KDR: variants seen among roughly 807,000 people sequenced by gnomAD.
KDR encodes the protein kinase insert domain receptor, also known as vascular endothelial growth factor receptor 2.
A neutral mutation model predicts 160.9 loss-of-function variants in KDR; 43 were observed. The ratio of observed to expected loss-of-function variants is 0.27; its 90% CI spans 0.21 to 0.34. KDR has a LOEUF of 0.34. KDR is among the 10% of genes least tolerant of loss of function. The pLI is 1.00. For synonymous variants in KDR, 617 were observed against 600.1 expected, an observed-to-expected ratio of 1.03 and a Z score of -0.41; for missense variants, 1,469 against 1,666.4, an observed-to-expected ratio of 0.88 and a Z score of 2.06.
At position 55,104,909 on chromosome 4, in the gene KDR, T is replaced by C; in HGVS notation, c.1721A>G (p.Asp574Gly). 1 of 1,613,982 alleles carries C rather than the reference T, an allele frequency of 6.2e-7. No homozygotes were observed. The highest frequency in any genetic ancestry group is 1.6e-4 in the Middle Eastern group (1 of 6,062). ...QESVSLWCTA[D>G]RSTFENLTWY... ...TGTGAGGTTCTCAAACGTAGATCTG[T>C]CTGCAGTGCACCACAAAGACACGCT... Residue 574 changes from aspartate to glycine, a missense_variant, in exon 13 of 30, where the codon GAC becomes GGC. Coordinates refer to ENST00000263923, the MANE Select transcript of KDR (RefSeq NM_002253.4).
intron 18 of KDR, chr4:55,096,567 A>G (rs1720162153): frequency 1.8e-6 from 1 of 567,012 alleles, no homozygotes; most frequent in South Asian, 2.1e-5. Flanking sequence ...TGATATTTAA[A>G]GGAACCCATT....
At chr4:55,096,761 C>A in intron 18 of KDR, 2 of 273,956 alleles carry the variant, frequency 7.3e-6, no homozygotes, top group South Asian at 4.2e-5. Flanking sequence ...GGGGCTATAC[C>A]GAATGTTCCA....
At chr4:55,098,661 C>A (rs762049331) in intron 16 of KDR, 36 bp downstream of exon 16, 5 of 1,483,078 alleles carry the variant, frequency 3.4e-6, no homozygotes, top group Non-Finnish European at 4.7e-6. Context: ...TCATGAAAAC[C>A]AATGTGCATG....
In KDR at chr4:55,080,125, G is replaced by A; in HGVS notation, c.3887C>T (p.Ser1296Phe). 6.2e-7 allele frequency: 1 copy of A among 1,613,858 alleles called. No homozygotes were observed. The highest frequency in any genetic ancestry group is 8.5e-7 in the Non-Finnish European group (1 of 1,180,046). ...GCCGCTTGTCTGGTTTGAGCCTTCA[G>A]ATGCCACAGACTCCCTGCTTTTGCT... ...VPSKSRESVA[S>F]EGSNQTSGYQ... Residue 1296 changes from serine (S) to phenylalanine (F), a missense_variant, in exon 30 of 30, where the codon TCT becomes TTT. Ser to Phe is a radical substitution (Grantham distance 155, BLOSUM62 -2). Around this residue, in one of 7 missense-constraint regions of KDR, gnomAD observed 229 missense variants for 197.8 expected, o/e 1.16. Transcript: ENST00000263923.
intron 15 of KDR, among the ~76,000 whole-genome samples, chr4:55,101,647 C>T (rs1578133411): frequency 6.6e-6 from 1 of 152,162 alleles, no homozygotes; most frequent in Admixed American, 6.5e-5. Context: ...TGATGCTCTC[C>T]TTCTCCCCAA....
intron 9 of KDR, among the ~76,000 whole-genome samples, chr4:55,109,852 T>C (rs1720532834): frequency 6.6e-6 from 1 of 152,118 alleles, no homozygotes; most frequent in Non-Finnish European, 1.5e-5. Flanking sequence ...CATCAAAAAC[T>C]TACTATCTTT....
chr4:55,107,450 C>A (rs1720472860), intron 10 of KDR, among the ~76,000 whole-genome samples: 2 of 152,084 alleles, frequency 1.3e-5, no homozygotes, highest in Admixed American at 1.3e-4. Flanking sequence ...GGGAGAAAAA[C>A]CAAAGACTGG....
In KDR at chr4:55,121,104, T is replaced by C; in HGVS notation, c.154A>G (p.Thr52Ala). 1 of 1,606,862 alleles carries C rather than the reference T, an allele frequency of 6.2e-7. No individual in the cohort carries two copies. The change falls in exon 2 of 30, where the codon ACT becomes GCT. Residue 52 changes from threonine to alanine, a missense_variant. Transcript: ENST00000263923. ...TCTAGAATGAATCCTTACCTGCAAGTAATTTGAAGAGTTGTATTAGCCTTA... is the reference window on the plus strand; with the variant it reads ...TCTAGAATGAATCCTTACCTGCAAGCAATTTGAAGAGTTGTATTAGCCTTA... ...TIKANTTLQI[T>A]CRGQRDLDWL...
chr4:55,083,883 C>A (rs1370807581), intron 27 of KDR, among the ~76,000 whole-genome samples: 1 of 152,170 alleles, frequency 6.6e-6, no homozygotes, highest in African/African-American at 2.4e-5. Flanking sequence ...ATATGATACA[C>A]AGGGTGCAAG....
In KDR at chr4:55,109,590, G is replaced by A. The variant is rs570821457; in HGVS notation, c.1255+813C>T. Among the ~76,000 whole-genome samples the A allele has an allele frequency of 2.0e-5, 3 of 152,098 alleles. No homozygotes were observed. In the South Asian group the frequency reaches 6.2e-4, roughly 32 times the overall value. On this transcript the variant is annotated intron_variant, in intron 9 of 29. Coordinates refer to ENST00000263923, the MANE Select transcript of KDR (RefSeq NM_002253.4). ...TGAGAGATTAATGAATTTGCTCAGG[G>A]GAAAAAAGGTGCTCTGGTCAAATAG...
chr4:55,090,863 TTTTTTTTTTTTG>T (rs2110012487), intron 22 of KDR, among the ~76,000 whole-genome samples: 1 of 143,150 alleles, frequency 7.0e-6, no homozygotes, highest in African/African-American at 2.6e-5. Flanking sequence ...TTTTTTTTTT[TTTTTTTTTTTTG>T]AGAAGGAATC....
chr4:55,098,037 A>G, intron 17 of KDR, 100 bp downstream of exon 17: 1 of 1,460,900 alleles, frequency 6.8e-7, no homozygotes, highest in Non-Finnish European at 9.6e-7. Flanking sequence ...TTTCTAAACC[A>G]GAATCCAACA....
chr4:55,117,036 T>C (rs1720753690), intron 3 of KDR, among the ~76,000 whole-genome samples: 1 of 152,206 alleles, frequency 6.6e-6, no homozygotes, highest in African/African-American at 2.4e-5. Context: ...CTTCTTAATA[T>C]TGCCTACCTT....
intron 2 of KDR, 37 bp from the exon 3 acceptor site, chr4:55,118,837 T>G: frequency 1.3e-6 from 2 of 1,531,694 alleles, no homozygotes; most frequent in South Asian, 1.1e-5. Context: ...TAATATGAAG[T>G]GCCAGACTGT....
chr4:55,118,848 G>C (rs1720797486), intron 2 of KDR, 48 bp from the exon 3 acceptor site: 3 of 1,487,510 alleles, frequency 2.0e-6, no homozygotes, highest in Middle Eastern at 1.9e-4. Flanking sequence ...GCCAGACTGT[G>C]AGGCTATTTC....
chr4:55,078,647 T>A lies in KDR; in HGVS notation c.*1294A>T. 1 of 232,796 alleles carries A rather than the reference T, an allele frequency of 4.3e-6. No homozygotes were observed. Among genetic ancestry groups the A allele is most frequent in the South Asian group, 1.8e-4 (1 of 5,522 alleles). The allele number at this position is 232,796 out of a possible 1,614,324, so 14.4% of individuals were successfully genotyped here. ...TCTACATAAACAGACTATAAATATA[T>A]GTGCCATAGCATGTCTTATAGTCAT... is the stretch of plus-strand genomic sequence containing the variant. On this transcript the variant is annotated 3_prime_UTR_variant, in exon 30 of 30. Coordinates refer to ENST00000263923, the MANE Select transcript of KDR (RefSeq NM_002253.4).
chr4:55,095,993 G>A (rs1578131070), intron 19 of KDR, among the ~76,000 whole-genome samples: 2 of 152,104 alleles, frequency 1.3e-5, no homozygotes, highest in South Asian at 4.2e-4. Context: ...CTGGACATCT[G>A]TTACACAAGT....
At chr4:55,118,531 ATTC>A (rs2110034265) in intron 3 of KDR, 70 bp downstream of exon 3, 5 of 1,206,658 alleles carry the variant, frequency 4.1e-6, no homozygotes, top group South Asian at 2.4e-5. Context: ...GTTGTACTCA[ATTC>A]TTCTTTGAGC....
rs1264425881 is a variant in KDR, at chr4:55,078,766, G to A, written c.*1175C>T. On this transcript the variant is annotated 3_prime_UTR_variant, in exon 30 of 30. Transcript: ENST00000263923. ...ACAAGGGCAAAAATCAGTAGAAATA[G>A]CTCTATATGTTAAAAGTCTAAATAA... 1 of 232,512 alleles carries A rather than the reference G, an allele frequency of 4.3e-6. No homozygotes were observed. Among genetic ancestry groups the A allele is most frequent in the Non-Finnish European group, 8.5e-6 (1 of 117,756 alleles). 14.4% of individuals were successfully genotyped at this position (232,512 alleles called of 1,614,324 possible).
Sources: allele counts gnomAD v4.1 joint callset (sites outside exome capture counted in the v4.1 genomes callset), GRCh38; gene constraint gnomAD v4.1.1; regional missense constraint gnomAD v4.1.1; transcripts MANE v1.5; gene names NCBI Gene and HGNC (gene_info 2026-07-23, HGNC 2026-07-21).